The following PDE1A variants were observed in gnomAD, a reference collection of about 807,000 sequenced individuals.
PDE1A encodes phosphodiesterase 1A.
In PDE1A, 35 loss-of-function variants were observed where a neutral mutation model predicts 61.7. That is an observed-to-expected ratio of 0.57 (90% CI 0.43 to 0.75). PDE1A has a LOEUF of 0.75. Among genes scored for constraint, PDE1A ranks in the 30% least tolerant of loss-of-function variants. The probability of loss-of-function intolerance (pLI) is 0.00; values close to 1 mark genes in which losing one functional copy is unlikely to be tolerated. For missense variants in PDE1A, 597 were observed against 630.6 expected, an observed-to-expected ratio of 0.95 and a Z score of 0.57; for synonymous variants, 232 against 213.2, an observed-to-expected ratio of 1.09 and a Z score of -0.77.
chr2:182,597,515 G>A, the PDE1A span, among the ~76,000 whole-genome samples: 1 of 152,172 alleles, frequency 6.6e-6, no homozygotes, highest in Non-Finnish European at 1.5e-5. Flanking sequence ...GAGCTGAGGG[G>A]TCCTGGGAGG....
chr2:182,223,833 C>A, intron 7 of PDE1A, 31 bp downstream of exon 7: 1 of 1,248,192 alleles, frequency 8.0e-7, no homozygotes, highest in Non-Finnish European at 1.1e-6. Flanking sequence ...CAAATTTTAA[C>A]TAATGAAAGT....
intron 1 of PDE1A, among the ~76,000 whole-genome samples, chr2:182,353,421 AC>A (rs1211781878): frequency 6.6e-6 from 1 of 152,196 alleles, no homozygotes; most frequent in Non-Finnish European, 1.5e-5. Context: ...TGAGGTATAA[AC>A]AAAAAACAGT....
intron 3 of PDE1A, among the ~76,000 whole-genome samples, chr2:182,235,345 T>C (rs1372752980): frequency 6.6e-6 from 1 of 152,200 alleles, no homozygotes; most frequent in African/African-American, 2.4e-5. Flanking sequence ...GGTTTCACCA[T>C]GTTGGTCAGG....
chr2:182,322,474 T>A lies in PDE1A; in HGVS notation c.54-58060A>T, dbSNP rs138608720. ...AAGGGCAGTTCCCCTGCACATGCCC[T>A]CTTGCCTGCCGCCATGTAAGATGTG... On this transcript the variant is annotated intron_variant, in intron 1 of 13. Transcript: ENST00000351439. 2.1e-3 allele frequency among the ~76,000 whole-genome samples: 321 copies of A among 152,326 alleles called. 2 individuals are homozygous for A. The highest frequency in any genetic ancestry group is 7.4e-3 in the African/African-American group (309 of 41,576).
intron 1 of PDE1A, among the ~76,000 whole-genome samples, chr2:182,381,835 A>AATT (rs1311952181): frequency 1.3e-5 from 2 of 151,546 alleles, no homozygotes; most frequent in African/African-American, 4.8e-5. Context: ...TAATAATAAT[A>AATT]ATTATATTAA....
At chr2:182,286,940 G>A (rs945199551) in intron 1 of PDE1A, among the ~76,000 whole-genome samples, 4 of 152,048 alleles carry the variant, frequency 2.6e-5, no homozygotes, top group Admixed American at 1.3e-4. Flanking sequence ...TTGTTTGTTT[G>A]TTAAACATAA....
At chr2:182,421,599 G>A (rs1359236597) in intron 1 of PDE1A, among the ~76,000 whole-genome samples, 1 of 152,068 alleles carries the variant, frequency 6.6e-6, no homozygotes, top group Non-Finnish European at 1.5e-5. Context: ...ATACCAGCAG[G>A]AATAAATGCC....
At chr2:182,552,446 T>G in the PDE1A span, among the ~76,000 whole-genome samples, 2 of 146,312 alleles carry the variant, frequency 1.4e-5, no homozygotes, top group Non-Finnish European at 3.0e-5. Context: ...AAAGTTTTTT[T>G]TTTTTTTTTT....
intron 1 of PDE1A, among the ~76,000 whole-genome samples, chr2:182,346,716 G>A (rs12693302): frequency 0.53 from 80,036 of 151,900 alleles, 23,073 homozygotes; most frequent in Middle Eastern, 0.73. Context: ...TGCACATACA[G>A]ATGAAGGTAT....
the PDE1A span, among the ~76,000 whole-genome samples, chr2:182,712,456 A>T: frequency 6.6e-6 from 1 of 152,216 alleles, no homozygotes; most frequent in African/African-American, 2.4e-5. Flanking sequence ...GTTTTGGGAG[A>T]CAACGGGACA....
chr2:182,395,482 T>C (rs1258407353), intron 1 of PDE1A, among the ~76,000 whole-genome samples: 1 of 152,168 alleles, frequency 6.6e-6, no homozygotes, highest in East Asian at 1.9e-4. Context: ...AGGGGTCCAG[T>C]GGTGTGGGGC....
the PDE1A span, among the ~76,000 whole-genome samples, chr2:182,674,635 C>A: frequency 6.6e-6 from 1 of 151,838 alleles, no homozygotes. Flanking sequence ...CAGACTCCTT[C>A]TTAATCTATT....
chr2:182,407,077 T>TAC (rs1702340027), intron 1 of PDE1A, among the ~76,000 whole-genome samples: 1 of 152,158 alleles, frequency 6.6e-6, no homozygotes, highest in Non-Finnish European at 1.5e-5. Flanking sequence ...TTCAAAATGT[T>TAC]TTCTTCACAT....
At chr2:182,315,345 G>T (rs1224347907) in intron 1 of PDE1A, among the ~76,000 whole-genome samples, 1 of 152,114 alleles carries the variant, frequency 6.6e-6, no homozygotes, top group Non-Finnish European at 1.5e-5. Context: ...TATGTGCCAA[G>T]TACTGAAGCT....
At chr2:182,297,534 G>A (rs1264247750) in intron 1 of PDE1A, among the ~76,000 whole-genome samples, 3 of 152,186 alleles carry the variant, frequency 2.0e-5, no homozygotes, top group Admixed American at 6.5e-5. Flanking sequence ...ACAGTCTAAC[G>A]TAGGATTACC....
chr2:182,379,247 T>C (rs1441467699), intron 1 of PDE1A, among the ~76,000 whole-genome samples: 1 of 152,254 alleles, frequency 6.6e-6, no homozygotes, highest in Non-Finnish European at 1.5e-5. Context: ...TACAATGTTC[T>C]AAAATGGATT....
chr2:182,257,971 C>G (rs912593017), intron 2 of PDE1A, among the ~76,000 whole-genome samples: 1 of 151,976 alleles, frequency 6.6e-6, no homozygotes, highest in Non-Finnish European at 1.5e-5. Context: ...ATCGAGACCA[C>G]CCTGGCTAAC....
At chr2:182,314,767 G>C (rs1454449051) in intron 1 of PDE1A, among the ~76,000 whole-genome samples, 1 of 151,604 alleles carries the variant, frequency 6.6e-6, no homozygotes, top group African/African-American at 2.4e-5. Flanking sequence ...CTTGATTGGA[G>C]TAGTAATTTG....
intron 2 of PDE1A, among the ~76,000 whole-genome samples, chr2:182,516,807 GGAAGGAAA>G (rs1690212142): frequency 9.1e-6 from 1 of 110,050 alleles, no homozygotes; most frequent in African/African-American, 3.2e-5. Context: ...GAGAAAGGAA[GGAAGGAAA>G]GGAAGGGAAG....
Sources: allele counts gnomAD v4.1 joint callset (sites outside exome capture counted in the v4.1 genomes callset), GRCh38; gene constraint gnomAD v4.1.1; transcripts MANE v1.5; gene names NCBI Gene and HGNC (gene_info 2026-07-23, HGNC 2026-07-21).